The following HHAT variants were observed in gnomAD, a reference collection of about 807,000 sequenced individuals.
HHAT encodes the protein hedgehog acyltransferase.
HHAT carries 47 observed loss-of-function variants against 70.8 expected under a neutral mutation model. That is an observed-to-expected ratio of 0.66 (90% CI 0.53 to 0.85). The LOEUF (loss-of-function observed/expected upper bound fraction) is 0.85, where lower values mean the gene tolerates loss of function less well. Ranked by LOEUF, HHAT falls within the 40% of genes least tolerant of loss-of-function variation. HHAT has a pLI of 0.00. For missense variants in HHAT, 609 were observed against 604.8 expected (o/e 1.01, Z -0.07); for synonymous variants, 228 against 247.6 (o/e 0.92, Z 0.74).
Position 210,674,322 on chromosome 1 carries a change from C to T in HHAT, c.1425C>T (p.Phe475=). ...GGGTGACCCTCTCTGTCCTGGGATT[C>T]CTGTACTGCTACTCCCACGTGGGCA... The part of the protein sequence containing the change: ...WPWVTLSVLG[F]LYCYSHVGIA... Residue 475 remains phenylalanine, a synonymous_variant, in exon 12 of 12, where the codon TTC becomes TTT. Transcript: ENST00000261458. 1 of 1,614,192 alleles carries T rather than the reference C, an allele frequency of 6.2e-7. No homozygotes were observed.
At chr1:210,488,767 C>T (rs1386671851) in intron 8 of HHAT, among the ~76,000 whole-genome samples, 2 of 151,802 alleles carry the variant, frequency 1.3e-5, no homozygotes, top group Non-Finnish European at 2.9e-5. Context: ...GTGGTACACA[C>T]CTGTAGTCCT....
intron 11 of HHAT, among the ~76,000 whole-genome samples, chr1:210,644,192 C>T (rs938223011): frequency 6.6e-6 from 1 of 152,228 alleles, no homozygotes; most frequent in Non-Finnish European, 1.5e-5. Context: ...GAGGCCAAGT[C>T]TCCTGACTCT....
intron 8 of HHAT, among the ~76,000 whole-genome samples, chr1:210,477,598 A>T (rs1219491984): frequency 6.6e-6 from 1 of 152,224 alleles, no homozygotes; most frequent in Admixed American, 6.5e-5. Flanking sequence ...GCATGGCCTT[A>T]CTGTTGAAAT....
chr1:210,668,378 T>C (rs1227039254), intron 11 of HHAT, among the ~76,000 whole-genome samples: 2 of 152,202 alleles, frequency 1.3e-5, no homozygotes, highest in East Asian at 3.9e-4. Context: ...TCAATCCCCA[T>C]GGTCATGGGA....
chr1:210,442,800 C>T (rs1308050513), intron 7 of HHAT, among the ~76,000 whole-genome samples: 11 of 152,254 alleles, frequency 7.2e-5, no homozygotes, highest in South Asian at 2.1e-4. Context: ...ATTTTGTAGG[C>T]TGCCTGTTCA....
chr1:210,391,388 C>T (rs1190369328), intron 4 of HHAT, among the ~76,000 whole-genome samples: 3 of 151,914 alleles, frequency 2.0e-5, no homozygotes, highest in African/African-American at 7.3e-5. Flanking sequence ...TTATACAAGA[C>T]ACAAAAAGTG....
At chr1:210,627,565 A>G (rs1416955430) in intron 11 of HHAT, among the ~76,000 whole-genome samples, 1 of 152,134 alleles carries the variant, frequency 6.6e-6, no homozygotes, top group Non-Finnish European at 1.5e-5. Flanking sequence ...CTGTCTAAAG[A>G]GTGGAAGACA....
At chr1:210,362,399 G>C (rs886068648) in intron 2 of HHAT, among the ~76,000 whole-genome samples, 1 of 151,962 alleles carries the variant, frequency 6.6e-6, no homozygotes, top group African/African-American at 2.4e-5. Context: ...GCTAATTTTT[G>C]TATTTTTAGT....
Position 210,623,412 on chromosome 1 carries a change from G to T in HHAT, c.1246-114G>T. The T allele has an allele frequency of 7.0e-6, 8 of 1,144,694 alleles. No individual in the cohort carries two copies. In the South Asian group the frequency reaches 9.8e-5, roughly 14 times the overall value. The allele number at this position is 1,144,694 out of a possible 1,614,324, so 70.9% of individuals were successfully genotyped here. ...TGAGAGCTGTTTAAATAATGACCTG[G>T]TTTGGGCTCTGTGGGGAGGCGTCCT... is the stretch of plus-strand genomic sequence containing the variant. On this transcript the variant is annotated intron_variant, in intron 10 of 11. Transcript: ENST00000261458.
At chr1:210,546,547 G>A (rs1438450428) in intron 9 of HHAT, among the ~76,000 whole-genome samples, 1 of 152,200 alleles carries the variant, frequency 6.6e-6, no homozygotes, top group Non-Finnish European at 1.5e-5. Context: ...GGAGGTAAGA[G>A]GAGACACTGG....
In HHAT at chr1:210,630,645, G is replaced by A. The variant is rs375095189; in HGVS notation, c.1390+6975G>A. ...CTTTGGGAACAGATCTCTCCCACCC[G>A]CTCTCAGTCTGTGTGATTCAGGTGG... is the stretch of plus-strand genomic sequence containing the variant. On this transcript the variant is annotated intron_variant, in intron 11 of 11. Transcript: ENST00000261458. 6.0e-4 allele frequency among the ~76,000 whole-genome samples: 92 copies of A among 152,226 alleles called. 1 individual carries two copies. The highest frequency in any genetic ancestry group is 2.0e-3 in the African/African-American group (85 of 41,532).
intron 7 of HHAT, among the ~76,000 whole-genome samples, chr1:210,433,530 ACTCCATGGAAGGTGTTTAATCCT>A (rs1483867660): frequency 6.7e-6 from 1 of 148,912 alleles, no homozygotes; most frequent in Non-Finnish European, 1.5e-5. Flanking sequence ...ATATTCACAT[ACTCCATGGAAGGTGTTTAATCCT>A]CTCCTGGTGG....
At chr1:210,462,982 T>C (rs1315454420) in intron 7 of HHAT, 1 of 152,144 alleles carries the variant, frequency 6.6e-6, no homozygotes, top group Non-Finnish European at 1.5e-5. Context: ...TTCTGCACAG[T>C]GGGGCGGGCA....
chr1:210,624,800 G>A (rs1157470876), intron 11 of HHAT, among the ~76,000 whole-genome samples: 4 of 152,166 alleles, frequency 2.6e-5, no homozygotes, highest in African/African-American at 4.8e-5. Context: ...TACTACTATA[G>A]CCAACTTGCT....
chr1:210,413,300 T>A (rs891061612), intron 6 of HHAT, among the ~76,000 whole-genome samples: 4 of 152,234 alleles, frequency 2.6e-5, no homozygotes, highest in Non-Finnish European at 5.9e-5. Flanking sequence ...CTCTTTGTGA[T>A]CACTCTTCCA....
chr1:210,509,563 G>C (rs2094919398), intron 8 of HHAT, among the ~76,000 whole-genome samples: 1 of 152,210 alleles, frequency 6.6e-6, no homozygotes, highest in Non-Finnish European at 1.5e-5. Context: ...TGGTGCAGAT[G>C]ATAATAGTAT....
intron 9 of HHAT, among the ~76,000 whole-genome samples, chr1:210,524,816 C>T (rs1329105432): frequency 6.6e-6 from 1 of 152,102 alleles, no homozygotes; most frequent in Non-Finnish European, 1.5e-5. Context: ...AAACAGACAG[C>T]TGTTGTAAAA....
At chr1:210,396,860 T>C (rs1368921069) in intron 4 of HHAT, among the ~76,000 whole-genome samples, 4 of 152,166 alleles carry the variant, frequency 2.6e-5, no homozygotes, top group African/African-American at 9.7e-5. Context: ...GGTTACTGGT[T>C]GTCAGGATTA....
chr1:210,430,306 C>G (rs1241969478), intron 7 of HHAT, among the ~76,000 whole-genome samples: 1 of 151,730 alleles, frequency 6.6e-6, no homozygotes, highest in Non-Finnish European at 1.5e-5. Flanking sequence ...TTCAAAGCAG[C>G]CTTGATTCCT....
Sources: allele counts gnomAD v4.1 joint callset (sites outside exome capture counted in the v4.1 genomes callset), GRCh38; gene constraint gnomAD v4.1.1; transcripts MANE v1.5; gene names NCBI Gene and HGNC (gene_info 2026-07-23, HGNC 2026-07-21).